Variants in CIROZ observed in about 807,000 individuals in gnomAD.
The protein encoded by CIROZ is ciliated left-right organizer ZP-N domains-containing protein.
chr1:10,961,183 C>T, the CIROZ span, among the ~76,000 whole-genome samples: 8 of 152,308 alleles, frequency 5.3e-5, no homozygotes, highest in East Asian at 1.5e-3. Flanking sequence ...CAACACCGTC[C>T]CCCTAGCGGC....
the CIROZ span, among the ~76,000 whole-genome samples, chr1:10,973,631 G>T: frequency 1.9e-4 from 29 of 152,184 alleles, no homozygotes; most frequent in African/African-American, 6.5e-4. Context: ...CAGCAGGGAG[G>T]TGTGGCTGGG....
At chr1:10,957,550 G>T in the CIROZ span, 1 of 1,581,860 alleles carries the variant, frequency 6.3e-7, no homozygotes. Flanking sequence ...GTGGCAACCT[G>T]CTCTTCTAGG....
the CIROZ span, among the ~76,000 whole-genome samples, chr1:10,976,668 T>C: frequency 6.7e-6 from 1 of 149,222 alleles, no homozygotes; most frequent in Non-Finnish European, 1.5e-5. Flanking sequence ...ATATTTCTTT[T>C]GAGTGCCTAC....
At chr1:10,965,881 C>A in the CIROZ span, among the ~76,000 whole-genome samples, 6 of 151,842 alleles carry the variant, frequency 4.0e-5, no homozygotes, top group African/African-American at 1.5e-4. Flanking sequence ...ATTTTAGAGT[C>A]ACATGGTCTC....
the CIROZ span, chr1:10,947,777 C>G: frequency 6.3e-7 from 1 of 1,598,290 alleles, no homozygotes; most frequent in South Asian, 1.1e-5. Context: ...GGAGTGAGGC[C>G]CCCCGGCCAG....
the CIROZ span, chr1:10,976,098 T>G: frequency 6.9e-6 from 10 of 1,442,584 alleles, no homozygotes. Flanking sequence ...GTTCTCAGTC[T>G]GCTCATTGGG....
chr1:10,956,729 G>A, the CIROZ span, among the ~76,000 whole-genome samples: 3 of 151,858 alleles, frequency 2.0e-5, no homozygotes. Flanking sequence ...CACCCGCCGC[G>A]GCCTCCCAAA....
the CIROZ span, chr1:10,957,575 G>A: frequency 6.2e-7 from 1 of 1,609,096 alleles, no homozygotes; most frequent in South Asian, 1.1e-5. Context: ...ATGCCCCAGA[G>A]GCCCCTCACC....
the CIROZ span, chr1:10,969,887 C>T: frequency 1.0e-5 from 15 of 1,438,702 alleles, 1 homozygote; most frequent in South Asian, 2.2e-4. Context: ...CTGCAAGAGC[C>T]ATGGGGGAGG....
the CIROZ span, among the ~76,000 whole-genome samples, chr1:10,951,580 C>T: frequency 4.6e-5 from 7 of 151,020 alleles, no homozygotes; most frequent in Non-Finnish European, 1.0e-4. Flanking sequence ...TAAAAACTAG[C>T]TTGGTATGGT....
chr1:10,960,815 C>T, the CIROZ span, among the ~76,000 whole-genome samples: 1 of 152,080 alleles, frequency 6.6e-6, no homozygotes, highest in Non-Finnish European at 1.5e-5. The surrounding 1 kb of genome is among the most constrained non-coding windows in gnomAD (Gnocchi z 4.6). Flanking sequence ...TTAATTAAAA[C>T]TTAATGCAAG....
the CIROZ span, chr1:10,964,065 T>A: frequency 1.3e-6 from 2 of 1,590,798 alleles, no homozygotes; most frequent in Non-Finnish European, 1.7e-6. Context: ...TGCCTTGGCC[T>A]TTAGAGAGAA....
At chr1:10,979,802 C>T in the CIROZ span, among the ~76,000 whole-genome samples, 1 of 152,200 alleles carries the variant, frequency 6.6e-6, no homozygotes, top group Non-Finnish European at 1.5e-5. Context: ...AATCCCAGCA[C>T]TTTGGGAAGC....
chr1:10,973,962 C>CCTCCA, the CIROZ span, among the ~76,000 whole-genome samples: 1 of 151,478 alleles, frequency 6.6e-6, no homozygotes, highest in East Asian at 1.9e-4. Flanking sequence ...AAGGACCCCC[C>CCTCCA]CCACCAAGTC....
chr1:10,967,306 A>G, the CIROZ span, among the ~76,000 whole-genome samples: 1 of 151,538 alleles, frequency 6.6e-6, no homozygotes, highest in Admixed American at 6.6e-5. Flanking sequence ...CTATTTCTCA[A>G]TCATCCCAGG....
the CIROZ span, chr1:10,957,812 T>C: frequency 6.4e-7 from 1 of 1,550,628 alleles, no homozygotes; most frequent in South Asian, 1.2e-5. Context: ...TCACTAGGGG[T>C]TACGGAGAGG....
At chr1:10,948,684 G>C in the CIROZ span, 1 of 1,603,938 alleles carries the variant, frequency 6.2e-7, no homozygotes, top group African/African-American at 1.3e-5. Flanking sequence ...TACAGGCTCC[G>C]AGGGGAGCGT....
the CIROZ span, chr1:10,949,739 G>A: frequency 1.3e-6 from 2 of 1,589,166 alleles, no homozygotes; most frequent in African/African-American, 1.3e-5. Flanking sequence ...CGCTGGAGGG[G>A]TCTCTGGTCC....
At chr1:10,954,463 AAAAAGAAAAG>A in the CIROZ span, among the ~76,000 whole-genome samples, 166 of 141,484 alleles carry the variant, frequency 1.2e-3, 1 homozygote, top group Middle Eastern at 4.0e-3. Flanking sequence ...CAAAAAAAAA[AAAAAGAAAAG>A]AAAAGAAAAG....
Sources: allele counts gnomAD v4.1 joint callset (sites outside exome capture counted in the v4.1 genomes callset), GRCh38; gene constraint gnomAD v4.1.1; non-coding constraint Gnocchi (gnomAD v3.1); transcripts MANE v1.5; gene names NCBI Gene and HGNC (gene_info 2026-07-23, HGNC 2026-07-21).